Variants in ASIC2 observed in about 807,000 individuals in gnomAD.
The protein encoded by ASIC2 is acid-sensing ion channel 2.
ASIC2 carries 25 observed loss-of-function variants against 57.3 expected under a neutral mutation model. The observed-to-expected ratio is 0.44, with a 90% CI of 0.32 to 0.61. The LOEUF (loss-of-function observed/expected upper bound fraction) is 0.61, where lower values mean the gene tolerates loss of function less well. ASIC2 is among the 20% of genes least tolerant of loss of function. The pLI, the probability that ASIC2 is intolerant of heterozygous loss-of-function variation, is 0.06. For synonymous variants in ASIC2, 319 were observed against 307.5 expected (o/e 1.04, Z -0.39); for missense variants, 641 against 738.1 (o/e 0.87, Z 1.52).
At chr17:33,740,963 C>G (rs898968199) in intron 1 of ASIC2, among the ~76,000 whole-genome samples, 4 of 152,188 alleles carry the variant, frequency 2.6e-5, no homozygotes, top group Non-Finnish European at 4.4e-5. Context: ...ATTTAGATCC[C>G]TTCAACACCT....
chr17:33,935,083 A>T (rs59718201), intron 1 of ASIC2, among the ~76,000 whole-genome samples: 1 of 152,230 alleles, frequency 6.6e-6, no homozygotes, highest in Non-Finnish European at 1.5e-5. Context: ...GCAAGCCTCA[A>T]GCGCCAGCCA....
At chr17:33,659,243 T>C (rs1907172945) in intron 1 of ASIC2, among the ~76,000 whole-genome samples, 2 of 152,174 alleles carry the variant, frequency 1.3e-5, no homozygotes, top group African/African-American at 4.8e-5. Flanking sequence ...TTACGGTTGC[T>C]TTGCCTGACT....
intron 1 of ASIC2, among the ~76,000 whole-genome samples, chr17:33,190,284 T>C (rs1906362527): frequency 6.6e-6 from 1 of 152,160 alleles, no homozygotes; most frequent in Admixed American, 6.5e-5. Flanking sequence ...TAAAAAACCA[T>C]TTACAATAGT....
chr17:33,029,005 T>A (rs2091870091), intron 3 of ASIC2, among the ~76,000 whole-genome samples: 1 of 152,170 alleles, frequency 6.6e-6, no homozygotes. Context: ...TTTTCAGAGG[T>A]CCAGTGATCA....
intron 1 of ASIC2, among the ~76,000 whole-genome samples, chr17:33,659,120 G>A (rs1290033588): frequency 1.3e-5 from 2 of 152,210 alleles, no homozygotes; most frequent in Admixed American, 1.3e-4. Context: ...ACAGCAGCAC[G>A]CAGGGCGGAG....
At chr17:33,254,913 C>T (rs922896168) in intron 1 of ASIC2, among the ~76,000 whole-genome samples, 1 of 151,948 alleles carries the variant, frequency 6.6e-6, no homozygotes, top group East Asian at 1.9e-4. Flanking sequence ...TAGTGGTTAC[C>T]ACTGGTTGGG....
chr17:33,144,157 CAAAA>C (rs58279499), intron 1 of ASIC2, among the ~76,000 whole-genome samples: 8 of 141,896 alleles, frequency 5.6e-5, no homozygotes, highest in Non-Finnish European at 1.1e-4. Context: ...AACAAACAAA[CAAAA>C]AAAAAAACGA....
intron 1 of ASIC2, among the ~76,000 whole-genome samples, chr17:33,896,755 C>T (rs183557192): frequency 9.7e-4 from 147 of 152,310 alleles, no homozygotes; most frequent in East Asian, 4.8e-3. Context: ...TTATGATAGG[C>T]GAAACAGTTT....
At chr17:33,328,883 C>T (rs1051631107) in intron 1 of ASIC2, among the ~76,000 whole-genome samples, 2 of 152,154 alleles carry the variant, frequency 1.3e-5, no homozygotes, top group Non-Finnish European at 2.9e-5. Context: ...CCAGGGGATA[C>T]CCTGCTAAAT....
chr17:33,548,370 G>T (rs776146979), intron 1 of ASIC2, among the ~76,000 whole-genome samples: 2 of 152,210 alleles, frequency 1.3e-5, no homozygotes, highest in Non-Finnish European at 2.9e-5. Flanking sequence ...ATGGGCTAAA[G>T]ATACGCTCAG....
intron 1 of ASIC2, among the ~76,000 whole-genome samples, chr17:33,958,058 A>G (rs1904795412): frequency 6.6e-6 from 1 of 152,222 alleles, no homozygotes; most frequent in Non-Finnish European, 1.5e-5. Context: ...TAAAGTTCCA[A>G]AATGATCTAC....
At chr17:33,710,828 G>A (rs113789658) in intron 1 of ASIC2, among the ~76,000 whole-genome samples, 8 of 152,226 alleles carry the variant, frequency 5.3e-5, no homozygotes, top group African/African-American at 1.7e-4. Context: ...GCTTTTTCCC[G>A]GGTCACTGAA....
chr17:33,187,574 T>C (rs1250644525), intron 1 of ASIC2, among the ~76,000 whole-genome samples: 1 of 152,158 alleles, frequency 6.6e-6, no homozygotes, highest in Non-Finnish European at 1.5e-5. Flanking sequence ...CACAACTACC[T>C]GCACCTAATA....
At chr17:33,717,897 T>C (rs1363684009) in intron 1 of ASIC2, among the ~76,000 whole-genome samples, 1 of 152,360 alleles carries the variant, frequency 6.6e-6, no homozygotes, top group South Asian at 2.1e-4. Context: ...ACAGTTATTA[T>C]TACATTATCA....
intron 1 of ASIC2, among the ~76,000 whole-genome samples, chr17:33,978,048 G>T (rs563694381): frequency 6.6e-6 from 1 of 152,306 alleles, no homozygotes; most frequent in South Asian, 2.1e-4. Flanking sequence ...GCCCTTGAAG[G>T]TGGGGCAGGA....
chr17:33,773,516 G>C (rs1368516137), intron 1 of ASIC2, among the ~76,000 whole-genome samples: 1 of 152,064 alleles, frequency 6.6e-6, no homozygotes, highest in African/African-American at 2.4e-5. Context: ...CATTATCCCA[G>C]TTCTACTTCT....
intron 1 of ASIC2, among the ~76,000 whole-genome samples, chr17:34,150,510 A>G (rs1280007966): frequency 3.9e-5 from 6 of 152,184 alleles, no homozygotes; most frequent in Non-Finnish European, 8.8e-5. Flanking sequence ...CATCATAAAT[A>G]TATGTACCTT....
chr17:34,131,357 C>T (rs1438564730), intron 1 of ASIC2, among the ~76,000 whole-genome samples: 2 of 152,258 alleles, frequency 1.3e-5, no homozygotes, highest in East Asian at 3.9e-4. Flanking sequence ...CTGAGTAGGC[C>T]ATTGTATTCC....
chr17:33,263,616 C>T (rs1332886163), intron 1 of ASIC2, among the ~76,000 whole-genome samples: 1 of 146,206 alleles, frequency 6.8e-6, no homozygotes, highest in Non-Finnish European at 1.5e-5. Flanking sequence ...GTGCTTGCTC[C>T]TGCTCTGCCT....
Sources: gnomAD v4.1 joint callset for allele counts (sites outside exome capture counted in the v4.1 genomes callset) on GRCh38, gnomAD v4.1.1 for gene constraint, MANE v1.5 for transcripts, NCBI Gene and HGNC (gene_info 2026-07-23, HGNC 2026-07-21) for gene names.